MYZAP: variants seen among roughly 807,000 people sequenced by gnomAD.
MYZAP encodes myocardial zonula adherens protein.
MYZAP carries 66 observed loss-of-function variants against 69.4 expected under a neutral mutation model. The ratio of observed to expected loss-of-function variants is 0.95; its 90% CI spans 0.78 to 1.17. The LOEUF is 1.17. MYZAP is among the 50% of genes most tolerant of loss of function. MYZAP has a pLI of 0.00. For synonymous variants in MYZAP, 256 were observed against 205.9 expected, an observed-to-expected ratio of 1.24 and a Z score of -2.09; for missense variants, 611 against 556.2, an observed-to-expected ratio of 1.10 and a Z score of -0.99.
chr15:57,596,972 G>T (rs1040158100), intron 1 of MYZAP, among the ~76,000 whole-genome samples: 31 of 152,102 alleles, frequency 2.0e-4, no homozygotes, highest in African/African-American at 7.5e-4. Flanking sequence ...CCCCTCCCCA[G>T]GCCTGGTGGA....
chr15:57,673,257 TA>T (rs1449701082), intron 11 of MYZAP, among the ~76,000 whole-genome samples: 1 of 152,184 alleles, frequency 6.6e-6, no homozygotes, highest in Admixed American at 6.5e-5. Context: ...CTATAGGTAT[TA>T]GACCCAGCAT....
intron 10 of MYZAP, chr15:57,646,645 C>G: frequency 1.0e-6 from 1 of 992,184 alleles, no homozygotes. Flanking sequence ...CCAGATCACC[C>G]CCAAGAAAGT....
intron 2 of MYZAP, among the ~76,000 whole-genome samples, chr15:57,607,531 C>T (rs1233630347): frequency 6.6e-6 from 1 of 152,092 alleles, no homozygotes; most frequent in Non-Finnish European, 1.5e-5. Context: ...TAACGGGGGC[C>T]CAAGTCCTCC....
chr15:57,615,094 C>T (rs1456515419), intron 2 of MYZAP, among the ~76,000 whole-genome samples: 1 of 152,106 alleles, frequency 6.6e-6, no homozygotes, highest in Non-Finnish European at 1.5e-5. Context: ...CGTGCCCTTC[C>T]TGGGGGCGTT....
chr15:57,610,747 G>C (rs2035053406), intron 2 of MYZAP, among the ~76,000 whole-genome samples: 1 of 152,132 alleles, frequency 6.6e-6, no homozygotes, highest in African/African-American at 2.4e-5. Context: ...GGGCTATGTT[G>C]GCTGCCTCCA....
intron 10 of MYZAP, chr15:57,647,265 T>G: frequency 1.0e-6 from 1 of 985,432 alleles, no homozygotes. Flanking sequence ...TTAATATTGT[T>G]CACCTGTGCA....
intron 10 of MYZAP, chr15:57,648,630 C>G (rs2037570268): frequency 9.2e-6 from 2 of 217,488 alleles, no homozygotes; most frequent in Admixed American, 6.5e-5. Context: ...AGACCCAGAT[C>G]TGTGACTCCA....
At chr15:57,670,288 C>T (rs376562241) in intron 11 of MYZAP, among the ~76,000 whole-genome samples, 1 of 151,976 alleles carries the variant, frequency 6.6e-6, no homozygotes, top group South Asian at 2.1e-4. Context: ...TAGGTATATA[C>T]ACATTTTTGT....
At chr15:57,642,019 A>G (rs1424374607) in intron 10 of MYZAP, among the ~76,000 whole-genome samples, 2 of 152,256 alleles carry the variant, frequency 1.3e-5, no homozygotes, top group Non-Finnish European at 2.9e-5. Context: ...GGCCAGAACC[A>G]CTGGGTGACA....
rs1355462046 is a variant in MYZAP at position 57,621,710 on chromosome 15, T to G, written c.411+10T>G. ...CACCCAGGAACTATCAGTAAGTCAT[T>G]ATCTCAGTTGCTTGGAGATAGGGAG... On this transcript the variant is annotated intron_variant, in intron 4 of 12. Coordinates refer to ENST00000267853, the MANE Select transcript of MYZAP (RefSeq NM_001018100.5). 1.2e-6 allele frequency: 2 copies of G among 1,613,138 alleles called. No homozygotes were observed. The highest frequency in any genetic ancestry group is 1.7e-6 in the Non-Finnish European group (2 of 1,179,400).
At chr15:57,675,093 T>C (rs751804923) in intron 12 of MYZAP, 25 bp downstream of exon 12, 1 of 1,585,434 alleles carries the variant, frequency 6.3e-7, no homozygotes, top group Admixed American at 1.8e-5. Context: ...CCTGATTTTT[T>C]TTTTTATTCA....
At chr15:57,648,184 G>T (rs1237905741) in intron 10 of MYZAP, 2 of 985,116 alleles carry the variant, frequency 2.0e-6, no homozygotes, top group African/African-American at 3.5e-5. Flanking sequence ...CAGCACAATT[G>T]TGGCAGCCTT....
At chr15:57,603,976 C>G (rs772045846) in intron 1 of MYZAP, among the ~76,000 whole-genome samples, 1 of 152,190 alleles carries the variant, frequency 6.6e-6, no homozygotes, top group Non-Finnish European at 1.5e-5. Context: ...TGAGATCATT[C>G]TATACATATT....
chr15:57,618,665 G>A (rs139723031), intron 3 of MYZAP, among the ~76,000 whole-genome samples: 2,252 of 152,286 alleles, frequency 0.015, 30 homozygotes, highest in South Asian at 0.045. Context: ...TATCTTTTAA[G>A]TTACATGTTC....
At chr15:57,635,343 C>A (rs1220454404) in intron 8 of MYZAP, among the ~76,000 whole-genome samples, 1 of 152,170 alleles carries the variant, frequency 6.6e-6, no homozygotes, top group African/African-American at 2.4e-5. Flanking sequence ...TACTCTGTTA[C>A]GAGGTTGCCT....
intron 4 of MYZAP, among the ~76,000 whole-genome samples, chr15:57,624,685 T>C (rs1458131153): frequency 2.0e-5 from 3 of 152,240 alleles, no homozygotes; most frequent in African/African-American, 7.2e-5. Flanking sequence ...ATGCTAGAAT[T>C]GTCCCAGAAA....
chr15:57,648,599 A>G (rs1280414028), intron 10 of MYZAP: 3 of 365,870 alleles, frequency 8.2e-6, no homozygotes, highest in Non-Finnish European at 3.8e-6. Context: ...CTCTCAGCAA[A>G]TAATGATGGT....
At chr15:57,639,196 T>C (rs1308529362) in intron 9 of MYZAP, among the ~76,000 whole-genome samples, 7 of 150,838 alleles carry the variant, frequency 4.6e-5, no homozygotes, top group Non-Finnish European at 1.0e-4. Context: ...GATACATGTT[T>C]TCTATTTTTA....
At chr15:57,605,130 AC>A (rs1490129786) in intron 2 of MYZAP, among the ~76,000 whole-genome samples, 2 of 152,146 alleles carry the variant, frequency 1.3e-5, no homozygotes, top group African/African-American at 4.8e-5. Flanking sequence ...TGGGGCACCT[AC>A]TGTATTCCAG....
Sources: gnomAD v4.1 joint callset for allele counts (sites outside exome capture counted in the v4.1 genomes callset) on GRCh38, gnomAD v4.1.1 for gene constraint, MANE v1.5 for transcripts, NCBI Gene and HGNC (gene_info 2026-07-23, HGNC 2026-07-21) for gene names.